EYS: variants seen among roughly 807,000 people sequenced by gnomAD.
The protein encoded by EYS is EGF-like photoreceptor maintenance factor.
EYS carries 250 observed loss-of-function variants against 282.1 expected under a neutral mutation model. The ratio of observed to expected loss-of-function variants is 0.89; its 90% confidence interval spans 0.80 to 0.98. EYS has a LOEUF of 0.98. Ranked by LOEUF, EYS falls within the 50% of genes least tolerant of loss-of-function variation. EYS has a pLI of 0.00. For missense variants in EYS, 4,016 were observed against 3,709.0 expected (o/e 1.08, Z -2.15); for synonymous variants, 1,355 against 1,282.9 (o/e 1.06, Z -1.20).
rs566130209 is a variant in EYS, at chr6:63,736,996, A to G, written c.8072-10316T>C. Among the ~76,000 whole-genome samples, 25 of 152,122 alleles carry G rather than the reference A, an allele frequency of 1.6e-4. No individual in the cohort carries two copies. In the South Asian group the frequency reaches 2.1e-3, roughly 13 times the overall value. Reference sequence around the variant, plus strand: ...CTTAAGGAGATTTTGGGCTGAGACAATGGGGTTTTCTAGATATACAATCAT... The same window carrying G: ...CTTAAGGAGATTTTGGGCTGAGACAGTGGGGTTTTCTAGATATACAATCAT... On this transcript the variant is annotated intron_variant, in intron 41 of 42. Transcript: ENST00000503581.
chr6:64,966,088 T>G (rs1770085808), intron 14 of EYS, among the ~76,000 whole-genome samples: 1 of 152,118 alleles, frequency 6.6e-6, no homozygotes, highest in South Asian at 2.1e-4. Context: ...TAACTGAAAG[T>G]TACTCCATGC....
At chr6:64,535,745 A>G (rs951320577) in intron 26 of EYS, among the ~76,000 whole-genome samples, 3 of 148,832 alleles carry the variant, frequency 2.0e-5, no homozygotes, top group Non-Finnish European at 3.0e-5. Flanking sequence ...GTCTCAAAAT[A>G]AAAAAAAAAG....
chr6:64,249,063 C>CAAAAAAAA lies in EYS; in HGVS notation c.6192-18247_6192-18240dup, dbSNP rs34663169. Among the ~76,000 whole-genome samples, 361 of 70,038 alleles carry CAAAAAAAA rather than the reference C, an allele frequency of 5.2e-3. 22 individuals carry two copies. Among genetic ancestry groups the CAAAAAAAA allele is most frequent in the African/African-American group, 0.024 (335 of 14,208 alleles). 45.9% of individuals were successfully genotyped at this position (70,038 alleles called of 152,430 possible). On this transcript the variant is annotated intron_variant, in intron 30 of 42. Coordinates refer to ENST00000503581, the MANE Select transcript of EYS (RefSeq NM_001142800.2). ...TGGGCTACAGAGTGACACCCTGTCT[C>CAAAAAAAA]AAAAAAAAAAAAAAAAAAAAAAGAT...
chr6:63,798,999 A>ATGTG (rs1770715628), intron 37 of EYS, among the ~76,000 whole-genome samples: 2 of 132,310 alleles, frequency 1.5e-5, no homozygotes, highest in Admixed American at 1.5e-4. Flanking sequence ...ATATATATAT[A>ATGTG]TATATATATA....
At chr6:65,661,217 T>C (rs1347574715) in intron 1 of EYS, among the ~76,000 whole-genome samples, 1 of 151,936 alleles carries the variant, frequency 6.6e-6, no homozygotes, top group East Asian at 1.9e-4. Context: ...CATAGGTTTA[T>C]ATAACCACCA....
intron 30 of EYS, among the ~76,000 whole-genome samples, chr6:64,246,652 C>T (rs575442604): frequency 3.3e-5 from 5 of 152,268 alleles, no homozygotes; most frequent in Admixed American, 2.6e-4. Flanking sequence ...CATTTATTTA[C>T]TTAAGTAATG....
intron 5 of EYS, among the ~76,000 whole-genome samples, chr6:65,432,856 C>A (rs1284793697): frequency 1.3e-5 from 2 of 151,518 alleles, no homozygotes; most frequent in African/African-American, 4.9e-5. Flanking sequence ...TAGGTAAGAG[C>A]AACAAACTTT....
rs372525602 is a variant in EYS, at chr6:64,943,074, G to A, written c.2381+2719C>T. Among the ~76,000 whole-genome samples the A allele has an allele frequency of 3.3e-5, 5 of 152,008 alleles. No individual in the cohort carries two copies. In the South Asian group the frequency reaches 6.2e-4, roughly 19 times the overall value. ...TTTCACCAAACACAAATCAATAAAT[G>A]TGATTCACTGCATAAACAGAATTAA... is the stretch of plus-strand genomic sequence containing the variant. On this transcript the variant is annotated intron_variant, in intron 15 of 42. Transcript: ENST00000503581.
At chr6:64,359,120 A>T (rs1771924970) in intron 29 of EYS, among the ~76,000 whole-genome samples, 3 of 151,708 alleles carry the variant, frequency 2.0e-5, no homozygotes, top group African/African-American at 4.8e-5. Context: ...TAGGTTGTCC[A>T]CTTATTATTT....
At chr6:65,499,201 A>G (rs1047183464) in intron 2 of EYS, among the ~76,000 whole-genome samples, 7 of 152,160 alleles carry the variant, frequency 4.6e-5, no homozygotes, top group African/African-American at 1.7e-4. Context: ...CATGAACAAT[A>G]TTTCTTCTTT....
chr6:64,553,602 C>G (rs566808812), intron 26 of EYS, among the ~76,000 whole-genome samples: 2 of 135,848 alleles, frequency 1.5e-5, no homozygotes, highest in Non-Finnish European at 3.1e-5. Context: ...CTAGCAATCA[C>G]TATAGCAACA....
chr6:64,220,084 T>C (rs919712130), intron 31 of EYS, among the ~76,000 whole-genome samples: 4 of 152,110 alleles, frequency 2.6e-5, no homozygotes, highest in Non-Finnish European at 4.4e-5. Flanking sequence ...TAATGTTAAA[T>C]GACAAATTGG....
At chr6:64,582,313 G>A (rs1766096315) in intron 26 of EYS, among the ~76,000 whole-genome samples, 1 of 152,122 alleles carries the variant, frequency 6.6e-6, no homozygotes, top group Non-Finnish European at 1.5e-5. Flanking sequence ...GTTGTGAACT[G>A]CACATGTGAG....
chr6:64,645,923 A>T lies in EYS; in HGVS notation c.3444-19678T>A, dbSNP rs995783938. On this transcript the variant is annotated intron_variant, in intron 22 of 42. Coordinates refer to ENST00000503581, the MANE Select transcript of EYS (RefSeq NM_001142800.2). ...TACTCTAAAAGAAATACAGCTTGCT[A>T]TTCTTATCACAAAAGTATATTTTTA... is the stretch of plus-strand genomic sequence containing the variant. Among the ~76,000 whole-genome samples, 6 of 152,346 alleles carry T rather than the reference A, an allele frequency of 3.9e-5. No homozygotes were observed. In the East Asian group the frequency reaches 1.2e-3, roughly 29 times the overall value.
intron 19 of EYS, among the ~76,000 whole-genome samples, chr6:64,848,906 G>C (rs1174548219): frequency 2.0e-5 from 3 of 152,066 alleles, no homozygotes; most frequent in Non-Finnish European, 4.4e-5. Flanking sequence ...TCTGTTATCA[G>C]TCCCATATAA....
intron 22 of EYS, among the ~76,000 whole-genome samples, chr6:64,794,393 G>T (rs1469688576): frequency 6.6e-6 from 1 of 152,074 alleles, no homozygotes; most frequent in Non-Finnish European, 1.5e-5. Flanking sequence ...AATCATGGGG[G>T]CAGACTTCTC....
intron 12 of EYS, among the ~76,000 whole-genome samples, chr6:65,241,637 G>GT (rs1345637518): frequency 7.2e-5 from 11 of 151,922 alleles, no homozygotes; most frequent in African/African-American, 2.7e-4. Context: ...ATGATATATT[G>GT]TATCTTTGCT....
chr6:65,310,979 A>G (rs1389836874), intron 11 of EYS, among the ~76,000 whole-genome samples: 1 of 152,048 alleles, frequency 6.6e-6, no homozygotes, highest in African/African-American at 2.4e-5. Flanking sequence ...CGTGTTCACT[A>G]TTGTTTTCCA....
intron 13 of EYS, among the ~76,000 whole-genome samples, chr6:65,025,911 G>A (rs975587501): frequency 2.0e-5 from 3 of 152,160 alleles, no homozygotes; most frequent in African/African-American, 7.2e-5. Flanking sequence ...ACTTTCTCAA[G>A]ATTAATACAG....
Sources: gnomAD v4.1 joint callset for allele counts (sites outside exome capture counted in the v4.1 genomes callset) on GRCh38, gnomAD v4.1.1 for gene constraint, MANE v1.5 for transcripts, NCBI Gene and HGNC (gene_info 2026-07-23, HGNC 2026-07-21) for gene names.